NR3C2: variants seen among roughly 807,000 people sequenced by gnomAD.
The protein encoded by NR3C2 is nuclear receptor subfamily 3 group C member 2.
A neutral mutation model predicts 86.4 loss-of-function variants in NR3C2; 15 were observed. The observed-to-expected ratio is 0.17, with a 90% confidence interval of 0.12 to 0.27. The LOEUF is 0.27. NR3C2 is among the 10% of genes least tolerant of loss of function. The pLI is 1.00. For missense variants in NR3C2, 960 were observed against 1,195.6 expected (o/e 0.80, Z 2.91); for synonymous variants, 458 against 450.5 (o/e 1.02, Z -0.21).
At chr4:148,100,732 T>C (rs1731498544) in intron 8 of NR3C2, among the ~76,000 whole-genome samples, 1 of 152,196 alleles carries the variant, frequency 6.6e-6, no homozygotes, top group African/African-American at 2.4e-5. Context: ...CCTAAAAGAA[T>C]TGAAAGCAGA....
intron 6 of NR3C2, among the ~76,000 whole-genome samples, chr4:148,121,176 CAG>C (rs1395697312): frequency 4.6e-5 from 7 of 152,078 alleles, no homozygotes; most frequent in African/African-American, 1.7e-4. Flanking sequence ...GCCAAAGAAA[CAG>C]AAAACGAGGT....
intron 2 of NR3C2, among the ~76,000 whole-genome samples, chr4:148,273,341 T>C (rs72655269): frequency 6.6e-6 from 1 of 152,208 alleles, no homozygotes; most frequent in Non-Finnish European, 1.5e-5. Context: ...CTTGAAACAA[T>C]GTATACAGAA....
At chr4:148,143,825 T>C (rs1373784218) in intron 6 of NR3C2, among the ~76,000 whole-genome samples, 1 of 151,670 alleles carries the variant, frequency 6.6e-6, no homozygotes, top group Non-Finnish European at 1.5e-5. Flanking sequence ...CACATGCCTG[T>C]AGTCCCAGCT....
At chr4:148,444,355 C>T, upstream of NR3C2, 6 of 985,328 alleles carry the variant, frequency 6.1e-6, no homozygotes, top group East Asian at 1.1e-4. Context: ...ACCCAGCACC[C>T]TTGCCCCAGG....
chr4:148,120,308 A>T lies in NR3C2; in HGVS notation c.2511-20T>A. 6.2e-7 allele frequency: 1 copy of T among 1,613,850 alleles called. No individual in the cohort carries two copies. Among genetic ancestry groups the T allele is most frequent in the Non-Finnish European group, 8.5e-7 (1 of 1,179,812 alleles). On this transcript the variant is annotated intron_variant, in intron 6 of 8. Coordinates refer to ENST00000358102, the MANE Select transcript of NR3C2 (RefSeq NM_000901.5). ...TTCTCTCTGCAAAGGAAAAGAAGAAAATGTCTGAGAATGCAAGATTCATTA... is the reference window on the plus strand; with the variant it reads ...TTCTCTCTGCAAAGGAAAAGAAGAATATGTCTGAGAATGCAAGATTCATTA...
chr4:148,165,113 A>T (rs1352070472), intron 4 of NR3C2, among the ~76,000 whole-genome samples: 4 of 152,258 alleles, frequency 2.6e-5, no homozygotes, highest in Non-Finnish European at 5.9e-5. Flanking sequence ...AATTTAAGCC[A>T]AAGATTCCTT....
At chr4:148,359,158 C>A (rs1195085750) in intron 2 of NR3C2, among the ~76,000 whole-genome samples, 1 of 151,830 alleles carries the variant, frequency 6.6e-6, no homozygotes, top group South Asian at 2.1e-4. Context: ...ATTTTCTGAC[C>A]CATTCAACTT....
chr4:148,322,191 A>G (rs1164681212), intron 2 of NR3C2, among the ~76,000 whole-genome samples: 36 of 149,072 alleles, frequency 2.4e-4, no homozygotes, highest in Admixed American at 5.4e-4. Flanking sequence ...TTCTTTAAGA[A>G]TGTTGAATAT....
intron 2 of NR3C2, among the ~76,000 whole-genome samples, chr4:148,336,797 T>C (rs919026811): frequency 9.0e-4 from 137 of 152,208 alleles, no homozygotes; most frequent in African/African-American, 3.1e-3. Flanking sequence ...TGATTTGTTT[T>C]TTTCTTTTTC....
intron 2 of NR3C2, among the ~76,000 whole-genome samples, chr4:148,312,983 T>C (rs1194114009): frequency 6.6e-6 from 1 of 152,144 alleles, no homozygotes; most frequent in Non-Finnish European, 1.5e-5. Context: ...AATGCATCAT[T>C]AACTCACAAC....
At chr4:148,135,827 C>T (rs1334534551) in intron 6 of NR3C2, among the ~76,000 whole-genome samples, 4 of 151,620 alleles carry the variant, frequency 2.6e-5, no homozygotes, top group African/African-American at 4.8e-5. Flanking sequence ...GAGGCCGAGG[C>T]GGGCGGATCA....
At chr4:148,151,281 A>G (rs1475902607) in intron 6 of NR3C2, among the ~76,000 whole-genome samples, 2 of 152,210 alleles carry the variant, frequency 1.3e-5, no homozygotes, top group Non-Finnish European at 2.9e-5. Context: ...TTAAAACAAG[A>G]ACCCTCTTTA....
intron 2 of NR3C2, among the ~76,000 whole-genome samples, chr4:148,316,783 CT>C (rs1232441202): frequency 1.3e-5 from 2 of 151,798 alleles, no homozygotes; most frequent in East Asian, 3.9e-4. Flanking sequence ...GTTGTTTTTT[CT>C]TTTTTGTTGT....
intron 7 of NR3C2, among the ~76,000 whole-genome samples, chr4:148,116,446 G>A (rs984640194): frequency 5.3e-5 from 8 of 152,186 alleles, no homozygotes; most frequent in African/African-American, 1.9e-4. Context: ...CAGAGCTGCT[G>A]GAAATCATCC....
chr4:148,115,062 G>A (rs1185378953), intron 7 of NR3C2, among the ~76,000 whole-genome samples: 1 of 152,184 alleles, frequency 6.6e-6, no homozygotes, highest in Non-Finnish European at 1.5e-5. Context: ...AACAACAGTG[G>A]CTCTGCACGC....
intron 6 of NR3C2, among the ~76,000 whole-genome samples, chr4:148,133,619 G>GGTCATATTCTTGGAGTCACATTCATGGA (rs1733138824): frequency 1.3e-5 from 2 of 152,156 alleles, no homozygotes; most frequent in Non-Finnish European, 2.9e-5. Flanking sequence ...CAACTCATGG[G>GGTCATATTCTTGGAGTCACATTCATGGA]GTCATATTCT....
upstream of NR3C2, chr4:148,442,781 T>G (rs1031321462): frequency 1.3e-5 from 13 of 985,260 alleles, no homozygotes; most frequent in African/African-American, 1.2e-4. Flanking sequence ...TCAGGCGGCC[T>G]CCGCACGCTG....
intron 3 of NR3C2, among the ~76,000 whole-genome samples, chr4:148,201,451 A>G (rs1449511808): frequency 6.6e-6 from 1 of 152,170 alleles, no homozygotes; most frequent in African/African-American, 2.4e-5. Flanking sequence ...TATTGTTCCT[A>G]TTATGGATGT....
At chr4:148,164,198 G>T (rs777822995) in intron 4 of NR3C2, among the ~76,000 whole-genome samples, 1 of 152,096 alleles carries the variant, frequency 6.6e-6, no homozygotes, top group Non-Finnish European at 1.5e-5. Context: ...AGACAGTTCA[G>T]GCTTTTTGCT....
Sources: gnomAD v4.1 joint callset for allele counts (sites outside exome capture counted in the v4.1 genomes callset) on GRCh38, gnomAD v4.1.1 for gene constraint, MANE v1.5 for transcripts, NCBI Gene and HGNC (gene_info 2026-07-23, HGNC 2026-07-21) for gene names.